LOC128125818: variants seen among roughly 807,000 people sequenced by gnomAD.
At chr4:6,067,165 C>G in the LOC128125818 span, among the ~76,000 whole-genome samples, 1 of 152,202 alleles carries the variant, frequency 6.6e-6, no homozygotes, top group Non-Finnish European at 1.5e-5. This position sits in a 1 kb window ranked among gnomAD's most constrained non-coding sequence, Gnocchi z 4.6. Context: ...ATGGTCTTCC[C>G]CCTACCCCTT....
chr4:6,067,419 C>T, the LOC128125818 span, among the ~76,000 whole-genome samples: 1 of 152,166 alleles, frequency 6.6e-6, no homozygotes, highest in African/African-American at 2.4e-5. This position sits in a 1 kb window ranked among gnomAD's most constrained non-coding sequence, Gnocchi z 4.6. Context: ...TGTCATTTCT[C>T]TCCTTGCAGA....
chr4:6,070,034 A>G, the LOC128125818 span: 1 of 398,570 alleles, frequency 2.5e-6, no homozygotes, highest in African/African-American at 2.1e-5. Flanking sequence ...CTCAAAACGC[A>G]AAACCCCGAA....
At chr4:6,066,134 G>T in the LOC128125818 span, among the ~76,000 whole-genome samples, 1 of 152,024 alleles carries the variant, frequency 6.6e-6, no homozygotes, top group African/African-American at 2.4e-5. Flanking sequence ...TCCAAAACAT[G>T]ACTTCACCCA....
the LOC128125818 span, chr4:6,065,138 C>CCCCA: frequency 8.7e-7 from 1 of 1,155,988 alleles, no homozygotes; most frequent in Non-Finnish European, 1.3e-6. This position sits in a 1 kb window ranked among gnomAD's most constrained non-coding sequence, Gnocchi z 5.1. Flanking sequence ...TCACAAGATG[C>CCCCA]GGTTGGTGGG....
the LOC128125818 span, among the ~76,000 whole-genome samples, chr4:6,067,494 C>A: frequency 1.3e-5 from 2 of 152,174 alleles, no homozygotes; most frequent in African/African-American, 4.8e-5. The surrounding 1 kb of genome is among the most constrained non-coding windows in gnomAD (Gnocchi z 4.6). Context: ...CTTCAGGCAT[C>A]ATGGACTCTT....
At chr4:6,067,859 C>A in the LOC128125818 span, among the ~76,000 whole-genome samples, 1 of 152,058 alleles carries the variant, frequency 6.6e-6, no homozygotes, top group African/African-American at 2.4e-5. The surrounding 1 kb of genome is among the most constrained non-coding windows in gnomAD (Gnocchi z 4.6). Context: ...GGTCACCCCC[C>A]TGAGCTCCAC....
chr4:6,066,863 C>T, the LOC128125818 span, among the ~76,000 whole-genome samples: 13 of 152,182 alleles, frequency 8.5e-5, no homozygotes, highest in Non-Finnish European at 1.8e-4. Flanking sequence ...CCCATCCTGC[C>T]CTGGCATCAT....
At chr4:6,066,602 G>T in the LOC128125818 span, among the ~76,000 whole-genome samples, 2 of 152,116 alleles carry the variant, frequency 1.3e-5, no homozygotes, top group Non-Finnish European at 2.9e-5. Flanking sequence ...AGCAGCAGCA[G>T]CTCATGCTTC....
At chr4:6,065,153 G>A in the LOC128125818 span, 46 of 996,536 alleles carry the variant, frequency 4.6e-5, 1 homozygote, top group African/African-American at 3.8e-4. This position sits in a 1 kb window ranked among gnomAD's most constrained non-coding sequence, Gnocchi z 5.1. Context: ...GGTGGGCTTC[G>A]TAACTGACTG....
chr4:6,068,106 G>A, the LOC128125818 span, among the ~76,000 whole-genome samples: 5 of 152,188 alleles, frequency 3.3e-5, no homozygotes, highest in African/African-American at 1.2e-4. Context: ...CACTGTGAAG[G>A]CTCTGCAGGA....
chr4:6,069,463 T>A, the LOC128125818 span, among the ~76,000 whole-genome samples: 1 of 152,174 alleles, frequency 6.6e-6, no homozygotes, highest in African/African-American at 2.4e-5. The surrounding 1 kb of genome is among the most constrained non-coding windows in gnomAD (Gnocchi z 4.5). Flanking sequence ...TAAGATTCAG[T>A]TTTGGCCGGG....
the LOC128125818 span, among the ~76,000 whole-genome samples, chr4:6,065,320 T>G: frequency 3.9e-5 from 6 of 152,270 alleles, no homozygotes; most frequent in African/African-American, 1.4e-4. This position sits in a 1 kb window ranked among gnomAD's most constrained non-coding sequence, Gnocchi z 5.1. Flanking sequence ...GCAAATGGAT[T>G]GAGAAGCCAC....
At chr4:6,066,677 C>G in the LOC128125818 span, among the ~76,000 whole-genome samples, 1 of 146,170 alleles carries the variant, frequency 6.8e-6, no homozygotes, top group African/African-American at 2.7e-5. Flanking sequence ...CCTGCCCTCC[C>G]TGGGAGAAAC....
chr4:6,067,848 A>C, the LOC128125818 span, among the ~76,000 whole-genome samples: 1 of 152,120 alleles, frequency 6.6e-6, no homozygotes, highest in African/African-American at 2.4e-5. This position sits in a 1 kb window ranked among gnomAD's most constrained non-coding sequence, Gnocchi z 4.6. Context: ...CTGCACACGC[A>C]GGTCACCCCC....
At chr4:6,067,573 T>A in the LOC128125818 span, among the ~76,000 whole-genome samples, 2 of 130,698 alleles carry the variant, frequency 1.5e-5, no homozygotes, top group Admixed American at 7.5e-5. The surrounding 1 kb of genome is among the most constrained non-coding windows in gnomAD (Gnocchi z 4.6). Flanking sequence ...GAGTGATGCA[T>A]CTGCAGCACT....
chr4:6,068,027 G>A, the LOC128125818 span, among the ~76,000 whole-genome samples: 1 of 152,226 alleles, frequency 6.6e-6, no homozygotes, highest in African/African-American at 2.4e-5. Context: ...GCTGGGCTGT[G>A]ACCATCCACG....
the LOC128125818 span, chr4:6,065,102 T>C: frequency 3.3e-6 from 5 of 1,495,994 alleles, no homozygotes; most frequent in Admixed American, 3.4e-5. This position sits in a 1 kb window ranked among gnomAD's most constrained non-coding sequence, Gnocchi z 5.1. Context: ...AGGGGGGTGA[T>C]GATTGACATT....
At chr4:6,069,023 CTTT>C in the LOC128125818 span, among the ~76,000 whole-genome samples, 4 of 152,016 alleles carry the variant, frequency 2.6e-5, no homozygotes, top group Non-Finnish European at 4.4e-5. The surrounding 1 kb of genome is among the most constrained non-coding windows in gnomAD (Gnocchi z 4.5). Flanking sequence ...ATATTTGTGT[CTTT>C]ATTAATAAAA....
the LOC128125818 span, among the ~76,000 whole-genome samples, chr4:6,066,942 C>T: frequency 9.9e-5 from 15 of 152,138 alleles, no homozygotes; most frequent in Admixed American, 4.6e-4. Context: ...CTTTGCGCTC[C>T]GAGACGCTCT....
Sources: gnomAD v4.1 joint callset for allele counts (sites outside exome capture counted in the v4.1 genomes callset) on GRCh38, gnomAD v4.1.1 for gene constraint, Gnocchi (gnomAD v3.1) non-coding constraint, MANE v1.5 for transcripts.